Variants in S100Z observed in about 807,000 individuals in gnomAD.
The protein encoded by S100Z is S100 calcium binding protein Z, also known as protein S100-Z.
In S100Z, 11 loss-of-function variants were observed where a neutral mutation model predicts 8.5. That is an observed-to-expected ratio of 1.30 (90% CI 0.82 to 2.15). The LOEUF is 2.15. Ranked by LOEUF, S100Z falls within the 30% of genes most tolerant of loss-of-function variation. S100Z has a pLI of 0.00. For missense variants in S100Z, 126 were observed against 117.9 expected (o/e 1.07, Z -0.32); for synonymous variants, 34 against 43.8 (o/e 0.78, Z 0.89).
intron 4 of S100Z, among the ~76,000 whole-genome samples, chr5:76,891,382 AG>A (rs1367877269): frequency 3.3e-5 from 5 of 152,214 alleles, no homozygotes; most frequent in Admixed American, 3.3e-4. Flanking sequence ...AAAGGGCATC[AG>A]GGGATTCTAA....
chr5:76,912,737 A>G (rs894922485), intron 4 of S100Z, among the ~76,000 whole-genome samples: 1 of 152,226 alleles, frequency 6.6e-6, no homozygotes, highest in African/African-American at 2.4e-5. Flanking sequence ...GCAGTCTTAC[A>G]CTGCCAAAGC....
intron 4 of S100Z, among the ~76,000 whole-genome samples, chr5:76,908,444 G>T (rs1451637993): frequency 6.6e-6 from 1 of 152,086 alleles, no homozygotes; most frequent in South Asian, 2.1e-4. Flanking sequence ...GGCTAGTCAC[G>T]CTTCTAAAAA....
chr5:76,924,276 A>G (rs1438585416), downstream of S100Z, among the ~76,000 whole-genome samples: 3 of 152,298 alleles, frequency 2.0e-5, no homozygotes, highest in East Asian at 5.8e-4. Context: ...AAAAGTATAT[A>G]AGCATCTAGA....
intron 1 of S100Z, among the ~76,000 whole-genome samples, chr5:76,863,412 G>A (rs1751123207): frequency 6.6e-6 from 1 of 152,220 alleles, no homozygotes; most frequent in South Asian, 2.1e-4. Context: ...TTACGCTTGT[G>A]AAAAAGGAGG....
chr5:76,874,905 G>C (rs1247110924), intron 2 of S100Z, among the ~76,000 whole-genome samples: 2 of 150,798 alleles, frequency 1.3e-5, no homozygotes, highest in African/African-American at 4.9e-5. Context: ...TTTTTTTTGA[G>C]ACGGCGTCTC....
Position 76,882,377 on chromosome 5 carries a change from T to C in S100Z, c.*2+4543T>C, listed in dbSNP as rs899253749. 1.6e-3 allele frequency among the ~76,000 whole-genome samples: 248 copies of C among 152,046 alleles called. 6 individuals are homozygous for C. The highest frequency in any genetic ancestry group is 0.016 in the Admixed American group (247 of 15,260). On this transcript the variant is annotated intron_variant, in intron 4 of 4. Coordinates refer to ENST00000317593, the MANE Select transcript of S100Z (RefSeq NM_130772.4). Reference sequence around the variant, plus strand: ...ACTGCACAGCCCTGCACTTTGGCTGTGTGTAATGAAAAAGGATTGGGATGA... The same window carrying C: ...ACTGCACAGCCCTGCACTTTGGCTGCGTGTAATGAAAAAGGATTGGGATGA...
At chr5:76,868,736 G>C (rs1244392493) in intron 1 of S100Z, among the ~76,000 whole-genome samples, 2 of 148,798 alleles carry the variant, frequency 1.3e-5, no homozygotes, top group African/African-American at 5.0e-5. Flanking sequence ...CGATTCTCCT[G>C]CATCAGCCTC....
At chr5:76,904,574 A>G (rs898958380) in intron 4 of S100Z, among the ~76,000 whole-genome samples, 1 of 152,216 alleles carries the variant, frequency 6.6e-6, no homozygotes, top group Non-Finnish European at 1.5e-5. Context: ...TTTCTTTACA[A>G]GTAATGATGG....
At chr5:76,868,844 A>C (rs1243732010) in intron 1 of S100Z, among the ~76,000 whole-genome samples, 1 of 152,168 alleles carries the variant, frequency 6.6e-6, no homozygotes, top group East Asian at 1.9e-4. Flanking sequence ...GGCTGGTCTC[A>C]AACTCCTGAC....
At chr5:76,856,175 G>A (rs1561220731) in intron 1 of S100Z, among the ~76,000 whole-genome samples, 1 of 152,144 alleles carries the variant, frequency 6.6e-6, no homozygotes, top group Non-Finnish European at 1.5e-5. Flanking sequence ...CTGTGAAACT[G>A]TGAGCCAATT....
At chr5:76,912,669 A>T (rs942699404) in intron 4 of S100Z, among the ~76,000 whole-genome samples, 3 of 152,276 alleles carry the variant, frequency 2.0e-5, no homozygotes, top group East Asian at 1.9e-4. Context: ...GAACCCCCAT[A>T]AAATACGACA....
At chr5:76,913,702 T>C (rs1244246917) in intron 4 of S100Z, among the ~76,000 whole-genome samples, 1 of 152,210 alleles carries the variant, frequency 6.6e-6, no homozygotes. Flanking sequence ...CAATCCCAAA[T>C]AGACTCTTCG....
intron 4 of S100Z, among the ~76,000 whole-genome samples, chr5:76,908,274 G>A (rs919223972): frequency 2.6e-5 from 4 of 152,206 alleles, no homozygotes; most frequent in East Asian, 1.9e-4. Context: ...ATTCAGCTTC[G>A]GGGTCCTGAC....
At chr5:76,869,601 G>C (rs1408232033) in intron 1 of S100Z, among the ~76,000 whole-genome samples, 1 of 152,168 alleles carries the variant, frequency 6.6e-6, no homozygotes, top group African/African-American at 2.4e-5. Context: ...ATAGACGTGA[G>C]AATGGAGGGG....
chr5:76,931,613 A>G, the S100Z span, among the ~76,000 whole-genome samples: 1 of 152,202 alleles, frequency 6.6e-6, no homozygotes, highest in African/African-American at 2.4e-5. Context: ...TCAGCCCCGT[A>G]GCGTGGTTGA....
At chr5:76,860,990 T>C in intron 1 of S100Z, among the ~76,000 whole-genome samples, 1 of 152,264 alleles carries the variant, frequency 6.6e-6, no homozygotes, top group East Asian at 1.9e-4. Context: ...TAACAAGCTA[T>C]ATTAGGATCT....
chr5:76,856,978 G>C (rs1459302020), intron 1 of S100Z, among the ~76,000 whole-genome samples: 1 of 152,188 alleles, frequency 6.6e-6, no homozygotes, highest in Non-Finnish European at 1.5e-5. Flanking sequence ...AAGAATTAGA[G>C]AACTTGGAGG....
chr5:76,875,268 G>A, intron 2 of S100Z, 36 bp from the exon 3 acceptor site: 1 of 1,080,160 alleles, frequency 9.3e-7, no homozygotes, highest in Non-Finnish European at 1.3e-6. Context: ...TTTAATGAAA[G>A]TGTTGGTGTT....
chr5:76,905,722 A>G (rs551581567), intron 4 of S100Z, among the ~76,000 whole-genome samples: 5 of 152,098 alleles, frequency 3.3e-5, no homozygotes, highest in African/African-American at 1.2e-4. Context: ...ATTTTGAGTT[A>G]ATTTTTGTAG....
Sources: gnomAD v4.1 joint callset for allele counts (sites outside exome capture counted in the v4.1 genomes callset) on GRCh38, gnomAD v4.1.1 for gene constraint, MANE v1.5 for transcripts, NCBI Gene and HGNC (gene_info 2026-07-23, HGNC 2026-07-21) for gene names.